Variants in ACSL1 observed in about 807,000 individuals in gnomAD.
ACSL1 encodes the protein long-chain-fatty-acid--CoA ligase 1.
In ACSL1, 41 loss-of-function variants were observed where a neutral mutation model predicts 98.4. That is an observed-to-expected ratio of 0.42 (90% CI 0.32 to 0.54). The LOEUF (loss-of-function observed/expected upper bound fraction) is 0.54. ACSL1 is among the 20% of genes least tolerant of loss of function. The probability of loss-of-function intolerance (pLI) is 0.13; values close to 1 mark genes in which losing one functional copy is unlikely to be tolerated. For missense variants in ACSL1, 734 were observed against 883.1 expected (o/e 0.83, Z 2.14); for synonymous variants, 316 against 322.7 (o/e 0.98, Z 0.22).
chr4:184,786,410 G>A (rs892773421), intron 3 of ACSL1, among the ~76,000 whole-genome samples: 2 of 131,448 alleles, frequency 1.5e-5, no homozygotes, highest in African/African-American at 2.9e-5. Flanking sequence ...CTCTGTGGTG[G>A]TGGCAAAGCA....
intron 10 of ACSL1, among the ~76,000 whole-genome samples, chr4:184,772,218 G>T (rs966840667): frequency 6.6e-6 from 1 of 152,184 alleles, no homozygotes; most frequent in African/African-American, 2.4e-5. Context: ...TGTTTAGAAA[G>T]TATACATCTT....
At chr4:184,774,506 G>A (rs1336659671) in intron 7 of ACSL1, among the ~76,000 whole-genome samples, 2 of 152,156 alleles carry the variant, frequency 1.3e-5, no homozygotes, top group Non-Finnish European at 2.9e-5. Flanking sequence ...GGACTTGAAG[G>A]TTAAGAATGA....
chr4:184,758,030 G>A, intron 18 of ACSL1, 110 bp from the exon 19 acceptor site: 1 of 1,069,376 alleles, frequency 9.4e-7, no homozygotes, highest in Admixed American at 2.0e-5. Flanking sequence ...TGAAAGTTAT[G>A]GCTCATCTAT....
rs976323491 is a variant in ACSL1 at position 184,757,018 on chromosome 4, C to T, written c.*107G>A. 1.7e-5 allele frequency: 23 copies of T among 1,356,200 alleles called. No homozygotes were observed. The highest frequency in any genetic ancestry group is 2.4e-5 in the Admixed American group (1 of 42,340). The allele number at this position is 1,356,200 out of a possible 1,614,324, so 84.0% of individuals were successfully genotyped here. On this transcript the variant is annotated 3_prime_UTR_variant, in exon 21 of 21. Transcript: ENST00000281455. This position sits in a 1 kb window ranked among gnomAD's most constrained non-coding sequence, Gnocchi z 4.5. ...CCCGAATGGACAAGTCAAACACGAA[C>T]GCTTCCTTCCCTACACTTGCTGTAT...
chr4:184,764,070 C>G (rs1368764521), intron 15 of ACSL1, among the ~76,000 whole-genome samples: 1 of 152,200 alleles, frequency 6.6e-6, no homozygotes, highest in Non-Finnish European at 1.5e-5. Flanking sequence ...GGTGCTAATA[C>G]TTATAATACT....
chr4:184,774,337 G>T (rs143084164), intron 7 of ACSL1, among the ~76,000 whole-genome samples: 37 of 152,226 alleles, frequency 2.4e-4, no homozygotes, highest in African/African-American at 8.9e-4. Flanking sequence ...TGCAATCTGG[G>T]AAGAAGAAAA....
In ACSL1 at chr4:184,820,050, C is replaced by T. The variant is rs1266651501; in HGVS notation, c.-33+5866G>A. On this transcript the variant is annotated intron_variant, in intron 1 of 20. Transcript: ENST00000281455. ...CCATTCTTTGAACAGGCACAGGGCCCGGGAACAAACTCCACACGTGTGCAT... is the reference window on the plus strand; with the variant it reads ...CCATTCTTTGAACAGGCACAGGGCCTGGGAACAAACTCCACACGTGTGCAT... Among the ~76,000 whole-genome samples, 9 of 151,436 alleles carry T rather than the reference C, an allele frequency of 5.9e-5. No homozygotes were observed. The Middle Eastern group carries it at 0.01, about 172-fold the overall frequency.
At chr4:184,780,276 C>G in intron 5 of ACSL1, 56 bp downstream of exon 5, 1 of 1,427,718 alleles carries the variant, frequency 7.0e-7, no homozygotes, top group Non-Finnish European at 9.8e-7. Context: ...AGAAGTTAGG[C>G]TCTTATATCT....
At chr4:184,790,170 A>G (rs1245360551) in intron 2 of ACSL1, among the ~76,000 whole-genome samples, 3 of 152,182 alleles carry the variant, frequency 2.0e-5, no homozygotes, top group Admixed American at 1.3e-4. Flanking sequence ...GACCCTTTAG[A>G]AGGGGATGAC....
rs189581339 is a variant in ACSL1, at chr4:184,816,247, T to C, written c.-33+9669A>G. On this transcript the variant is annotated intron_variant, in intron 1 of 20. Transcript: ENST00000281455. ...TGGCCTCTGAATTGTGCCTGTCATG[T>C]GGAAGACCTCAGTGGTGTTGGAGGA... Among the ~76,000 whole-genome samples, 50 of 152,202 alleles carry C rather than the reference T, an allele frequency of 3.3e-4. 1 individual carries two copies. In the East Asian group the frequency reaches 9.5e-3, roughly 29 times the overall value.
chr4:184,783,601 TA>T (rs1057407659), intron 4 of ACSL1, among the ~76,000 whole-genome samples: 13 of 152,238 alleles, frequency 8.5e-5, no homozygotes, highest in African/African-American at 3.1e-4. Flanking sequence ...GTTTTTCTAG[TA>T]CCCCTCAAGT....
chr4:184,790,262 C>G (rs542559026), intron 2 of ACSL1, among the ~76,000 whole-genome samples: 22 of 152,218 alleles, frequency 1.4e-4, no homozygotes, highest in African/African-American at 5.3e-4. Flanking sequence ...GCTTTTTGTC[C>G]ACCCTTAAGT....
chr4:184,775,648 C>CCTA (rs1470847858), intron 7 of ACSL1, among the ~76,000 whole-genome samples: 2 of 152,138 alleles, frequency 1.3e-5, no homozygotes, highest in African/African-American at 4.8e-5. Context: ...CTTCCCTGTG[C>CCTA]CTACTGGGTT....
intron 1 of ACSL1, among the ~76,000 whole-genome samples, chr4:184,822,946 C>A (rs1773183736): frequency 6.6e-6 from 1 of 152,148 alleles, no homozygotes; most frequent in Non-Finnish European, 1.5e-5. Flanking sequence ...ACTGCCCCTG[C>A]CTTCTCCAGT....
At chr4:184,801,458 C>T (rs1770507668) in intron 2 of ACSL1, among the ~76,000 whole-genome samples, 1 of 152,180 alleles carries the variant, frequency 6.6e-6, no homozygotes, top group Non-Finnish European at 1.5e-5. Context: ...CACCAGCCCC[C>T]CGCAGCAGTG....
At chr4:184,782,814 G>C (rs1343570248) in intron 4 of ACSL1, among the ~76,000 whole-genome samples, 1 of 152,044 alleles carries the variant, frequency 6.6e-6, no homozygotes, top group Non-Finnish European at 1.5e-5. Flanking sequence ...GCATCCTGTC[G>C]ACCCCAGAGG....
At chr4:184,786,397 G>C (rs1767309834) in intron 3 of ACSL1, among the ~76,000 whole-genome samples, 1 of 147,834 alleles carries the variant, frequency 6.8e-6, no homozygotes, top group South Asian at 2.1e-4. Context: ...TACCGTATAT[G>C]TGCTCTGTGG....
chr4:184,786,129 C>T (rs1469967092), intron 3 of ACSL1, among the ~76,000 whole-genome samples: 2 of 152,158 alleles, frequency 1.3e-5, no homozygotes, highest in African/African-American at 4.8e-5. Flanking sequence ...CGCCCACGAC[C>T]CTTAACTGGA....
At chr4:184,822,360 G>A (rs1773124555) in intron 1 of ACSL1, among the ~76,000 whole-genome samples, 1 of 152,046 alleles carries the variant, frequency 6.6e-6, no homozygotes, top group Non-Finnish European at 1.5e-5. Context: ...ACACTTCAAG[G>A]AGTCTCCAAT....
Sources: allele counts gnomAD v4.1 joint callset (sites outside exome capture counted in the v4.1 genomes callset), GRCh38; gene constraint gnomAD v4.1.1; non-coding constraint Gnocchi (gnomAD v3.1); transcripts MANE v1.5; gene names NCBI Gene and HGNC (gene_info 2026-07-23, HGNC 2026-07-21).